The following SARDH variants were observed in gnomAD, a reference collection of about 807,000 sequenced individuals.
SARDH encodes the protein sarcosine dehydrogenase.
Under a neutral mutation model 109.1 loss-of-function variants are expected in SARDH, and 95 were observed. The ratio of observed to expected loss-of-function variants is 0.87; its 90% CI spans 0.74 to 1.03. The LOEUF (loss-of-function observed/expected upper bound fraction) is 1.03, where lower values mean the gene tolerates loss of function less well. Ranked by LOEUF, SARDH falls within the 50% of genes least tolerant of loss-of-function variation. The probability of loss-of-function intolerance (pLI) is 0.00; values close to 1 mark genes in which losing one functional copy is unlikely to be tolerated. For synonymous variants in SARDH, 572 were observed against 534.8 expected (o/e 1.07, Z -0.96); for missense variants, 1,267 against 1,287.8 (o/e 0.98, Z 0.25).
intron 18 of SARDH, 102 bp from the exon 19 acceptor site, chr9:133,670,854 G>A: frequency 7.1e-7 from 1 of 1,404,510 alleles, no homozygotes; most frequent in Non-Finnish European, 9.3e-7. Context: ...CCAGCCCCTA[G>A]CCACACTCTC....
rs1196898217 is a variant in SARDH, at chr9:133,667,180, G to GA, written c.2496-311_2496-310insT. Reference sequence around the variant, plus strand: ...CCCCTGCTTCCGATTTCCTTCCATTGTTGTTCAACTCTGGTTTTTTTTTTT... The same window carrying GA: ...CCCCTGCTTCCGATTTCCTTCCATTGATTGTTCAACTCTGGTTTTTTTTTTT... On this transcript the variant is annotated intron_variant, in intron 19 of 20. Coordinates refer to ENST00000439388, the MANE Select transcript of SARDH (RefSeq NM_001134707.2). The GA allele has an allele frequency of 1.9e-4, 81 of 429,586 alleles. No homozygotes were observed. The East Asian group carries it at 3.2e-3, about 17-fold the overall frequency. The allele number at this position is 429,586 out of a possible 1,614,324, so 26.6% of individuals were successfully genotyped here.
intron 17 of SARDH, among the ~76,000 whole-genome samples, chr9:133,684,833 G>A (rs906948584): frequency 9.2e-5 from 14 of 152,188 alleles, no homozygotes; most frequent in East Asian, 3.9e-4. Flanking sequence ...CGGCCCTCCC[G>A]TTTCCAGGAG....
intron 15 of SARDH, 93 bp downstream of exon 15, chr9:133,694,165 G>A: frequency 1.1e-6 from 1 of 916,976 alleles, no homozygotes; most frequent in Non-Finnish European, 1.6e-6. Flanking sequence ...GCTGCCGTCA[G>A]CAGCCCATCC....
chr9:133,677,487 G>A (rs1210385805), intron 17 of SARDH, among the ~76,000 whole-genome samples: 4 of 152,262 alleles, frequency 2.6e-5, no homozygotes, highest in Middle Eastern at 3.4e-3. Flanking sequence ...CAAGGTGAGG[G>A]GAACTCTGCC....
chr9:133,725,427 C>A, intron 6 of SARDH: 1 of 339,920 alleles, frequency 2.9e-6, no homozygotes, highest in Admixed American at 3.7e-5. Context: ...AATCCTAGCA[C>A]TTTGGAAGTC....
chr9:133,700,163 T>C (rs1232284254), intron 13 of SARDH, among the ~76,000 whole-genome samples: 3 of 151,936 alleles, frequency 2.0e-5, no homozygotes, highest in Non-Finnish European at 4.4e-5. Flanking sequence ...CCCGTCTCTA[T>C]TAAAAATACA....
chr9:133,713,685 CAG>C (rs1303600803), intron 8 of SARDH, among the ~76,000 whole-genome samples: 1 of 152,248 alleles, frequency 6.6e-6, no homozygotes, highest in Non-Finnish European at 1.5e-5. Context: ...GAGCCTCAGA[CAG>C]AGGCCAGGAC....
chr9:133,669,747 G>A (rs750531003), intron 19 of SARDH, among the ~76,000 whole-genome samples: 14 of 152,170 alleles, frequency 9.2e-5, no homozygotes, highest in East Asian at 1.9e-4. Flanking sequence ...GTCTCCATTC[G>A]TGAGTGGGGA....
At chr9:133,700,882 C>A (rs1230872520) in intron 13 of SARDH, among the ~76,000 whole-genome samples, 1 of 152,216 alleles carries the variant, frequency 6.6e-6, no homozygotes, top group Non-Finnish European at 1.5e-5. Context: ...CCCCCCACTG[C>A]TGAGCAGAGG....
intron 13 of SARDH, among the ~76,000 whole-genome samples, chr9:133,702,598 G>A (rs1018086311): frequency 2.0e-5 from 3 of 152,194 alleles, no homozygotes; most frequent in African/African-American, 7.2e-5. Flanking sequence ...TCCGGAGAGC[G>A]GGAGGCGGAG....
rs1319979432 is a variant in SARDH at position 133,694,270 on chromosome 9, G to T, written c.1909C>A (p.Pro637Thr). 1 of 1,548,794 alleles carries T rather than the reference G, an allele frequency of 6.5e-7. No homozygotes were observed. Among genetic ancestry groups the T allele is most frequent in the African/African-American group, 1.4e-5 (1 of 73,110 alleles). ...APSHQASPLAPAFEGDGYYLA... is the reference protein window; with the variant it reads ...APSHQASPLATAFEGDGYYLA... Reference sequence around the variant, plus strand: ...AGGCATCCCATACCTTCAAAGGCGGGGGCCAGCGGGGAGGCCTGGTGGCTG... The same window carrying T: ...AGGCATCCCATACCTTCAAAGGCGGTGGCCAGCGGGGAGGCCTGGTGGCTG... The change falls in exon 15 of 21, where the codon CCC (proline) becomes ACC (threonine). Residue 637 changes from proline to threonine, a missense_variant. Pro to Thr is a conservative substitution (Grantham distance 38). Transcript: ENST00000439388.
At chr9:133,730,274 A>G in intron 4 of SARDH, 87 bp from the exon 5 acceptor site, 1 of 1,545,154 alleles carries the variant, frequency 6.5e-7, no homozygotes, top group South Asian at 1.2e-5. Context: ...CTCCTCCCAG[A>G]GGGGAGCTGG....
Position 133,692,530 on chromosome 9 carries a change from C to T in SARDH, c.1921+1728G>A, listed in dbSNP as rs546561645. Among the ~76,000 whole-genome samples the T allele has an allele frequency of 3.3e-4, 51 of 152,286 alleles. No homozygotes were observed. Among genetic ancestry groups the T allele is most frequent in the African/African-American group, 1.2e-3 (51 of 41,544 alleles). On this transcript the variant is annotated intron_variant, in intron 15 of 20. Coordinates refer to ENST00000439388, the MANE Select transcript of SARDH (RefSeq NM_001134707.2). The surrounding 1 kb of genome is among the most constrained non-coding windows in gnomAD (Gnocchi z 5.0). ...CCCATCCTTCCAAGCTCAGGCCGGC[C>T]CTCTCCTCCAGGAAGCCTTGCTCAT...
chr9:133,679,693 C>T (rs1479139483), intron 17 of SARDH, among the ~76,000 whole-genome samples: 1 of 152,236 alleles, frequency 6.6e-6, no homozygotes, highest in South Asian at 2.1e-4. Flanking sequence ...AACTTCTCCC[C>T]ACCCTGCTTC....
At chr9:133,720,412 G>C (rs1043403468) in intron 6 of SARDH, among the ~76,000 whole-genome samples, 3 of 152,208 alleles carry the variant, frequency 2.0e-5, no homozygotes, top group Non-Finnish European at 2.9e-5. Context: ...TGGGCAACAA[G>C]AGTGAAACTC....
rs1418590079 is a variant in SARDH, at chr9:133,693,312, G to A, written c.1921+946C>T. Among the ~76,000 whole-genome samples, 1 of 152,142 alleles carries A rather than the reference G, an allele frequency of 6.6e-6. No homozygotes were observed. Among genetic ancestry groups the A allele is most frequent in the Non-Finnish European group, 1.5e-5 (1 of 68,016 alleles). ...CGGGTTATGAGCTGATCATGAATGA[G>A]CCCCTTTCTCCCCTTGCCTCTCTCC... is the stretch of plus-strand genomic sequence containing the variant. On this transcript the variant is annotated intron_variant, in intron 15 of 20. Transcript: ENST00000439388. This position sits in a 1 kb window ranked among gnomAD's most constrained non-coding sequence, Gnocchi z 5.6.
intron 10 of SARDH, among the ~76,000 whole-genome samples, chr9:133,711,157 C>T (rs545882164): frequency 1.3e-5 from 2 of 152,378 alleles, no homozygotes; most frequent in South Asian, 2.1e-4. Context: ...GAGCAAACAT[C>T]CTGTCTGCTG....
At chr9:133,700,504 C>T (rs1390253092) in intron 13 of SARDH, among the ~76,000 whole-genome samples, 1 of 152,036 alleles carries the variant, frequency 6.6e-6, no homozygotes, top group African/African-American at 2.4e-5. Context: ...CTAGATATAT[C>T]TACAGAGAGA....
intron 3 of SARDH, among the ~76,000 whole-genome samples, chr9:133,731,933 G>A (rs1277953166): frequency 6.6e-6 from 1 of 152,134 alleles, no homozygotes; most frequent in Non-Finnish European, 1.5e-5. Flanking sequence ...GTTTCAGACT[G>A]TCAGATAGAC....
Sources: gnomAD v4.1 joint callset for allele counts (sites outside exome capture counted in the v4.1 genomes callset) on GRCh38, gnomAD v4.1.1 for gene constraint, Gnocchi (gnomAD v3.1) non-coding constraint, MANE v1.5 for transcripts, NCBI Gene and HGNC (gene_info 2026-07-23, HGNC 2026-07-21) for gene names.